KCNMB2: variants seen among roughly 807,000 people sequenced by gnomAD.
KCNMB2 encodes the protein potassium calcium-activated channel subfamily M regulatory beta subunit 2.
Under a neutral mutation model 24.5 loss-of-function variants are expected in KCNMB2, and 9 were observed. The observed-to-expected ratio is 0.37, with a 90% CI of 0.22 to 0.64. The LOEUF (loss-of-function observed/expected upper bound fraction) is 0.64. KCNMB2 is among the 30% of genes least tolerant of loss of function. KCNMB2 has a pLI of 0.63. For synonymous variants in KCNMB2, 109 were observed against 104.4 expected, an observed-to-expected ratio of 1.04 and a Z score of -0.27; for missense variants, 226 against 284.3, an observed-to-expected ratio of 0.79 and a Z score of 1.47.
Position 178,746,091 on chromosome 3 carries a change from A to C in KCNMB2, c.-67-61252A>C, listed in dbSNP as rs115883408. ...GGTAGGGACTCTGTGTGGTGGCTCC[A>C]ACCCAACATTTCCCTTCTGCATTGC... On this transcript the variant is annotated intron_variant, in intron 1 of 4. Transcript: ENST00000452583. Among the ~76,000 whole-genome samples, 1,028 of 152,296 alleles carry C rather than the reference A, an allele frequency of 6.8e-3. 17 individuals carry two copies. Among genetic ancestry groups the C allele is most frequent in the African/African-American group, 0.023 (972 of 41,554 alleles).
At chr3:178,777,839 G>A (rs1242783980) in intron 1 of KCNMB2, among the ~76,000 whole-genome samples, 2 of 152,166 alleles carry the variant, frequency 1.3e-5, no homozygotes, top group Non-Finnish European at 2.9e-5. Context: ...AAATAGTCAT[G>A]GCATGAGCTT....
intron 1 of KCNMB2, among the ~76,000 whole-genome samples, chr3:178,757,688 ATATGTATATATAT>A (rs1724170790): frequency 1.5e-5 from 1 of 65,272 alleles, no homozygotes; most frequent in African/African-American, 6.2e-5. Flanking sequence ...GAGGATATAT[ATATGTATATATAT>A]CCAAGAGGAT....
intron 1 of KCNMB2, among the ~76,000 whole-genome samples, chr3:178,743,962 T>C (rs1184145967): frequency 1.3e-5 from 2 of 152,232 alleles, no homozygotes; most frequent in Admixed American, 1.3e-4. Flanking sequence ...ATTTGTGAAA[T>C]ATCATTAGCA....
At chr3:178,624,244 AT>A (rs35333167) in intron 1 of KCNMB2, among the ~76,000 whole-genome samples, 6,070 of 144,108 alleles carry the variant, frequency 0.042, 84 homozygotes, top group Middle Eastern at 0.077. Flanking sequence ...TTACTGGGTA[AT>A]TTTTTTTTTT....
At chr3:178,785,917 T>A (rs1424495522) in intron 1 of KCNMB2, among the ~76,000 whole-genome samples, 1 of 152,126 alleles carries the variant, frequency 6.6e-6, no homozygotes, top group East Asian at 1.9e-4. Flanking sequence ...ATTTTAAAGG[T>A]TGCATTAACA....
intron 1 of KCNMB2, among the ~76,000 whole-genome samples, chr3:178,597,426 C>T (rs1717916382): frequency 6.6e-6 from 1 of 152,090 alleles, no homozygotes; most frequent in African/African-American, 2.4e-5. Flanking sequence ...GTAAAGCTCA[C>T]TTATAAGTGT....
intron 1 of KCNMB2, among the ~76,000 whole-genome samples, chr3:178,680,359 C>T (rs1721227269): frequency 6.6e-6 from 1 of 152,188 alleles, no homozygotes; most frequent in Non-Finnish European, 1.5e-5. Flanking sequence ...GCTCCAGCTA[C>T]ACTTACAGCT....
At chr3:178,619,143 C>A (rs183191599) in intron 1 of KCNMB2, among the ~76,000 whole-genome samples, 2 of 152,276 alleles carry the variant, frequency 1.3e-5, no homozygotes, top group East Asian at 3.9e-4. Context: ...CAGAGTAGAG[C>A]ATTATATGAC....
chr3:178,671,564 A>G (rs536826259), intron 1 of KCNMB2, among the ~76,000 whole-genome samples: 101 of 152,184 alleles, frequency 6.6e-4, no homozygotes, highest in African/African-American at 2.2e-3. Flanking sequence ...GAAAATACAG[A>G]ATACAGAGAG....
intron 1 of KCNMB2, chr3:178,729,213 G>T (rs1276632340): frequency 6.6e-6 from 1 of 152,140 alleles, no homozygotes; most frequent in East Asian, 1.9e-4. Context: ...TATCAAAAAC[G>T]GACTCAATTT....
chr3:178,718,391 A>C (rs375146086), intron 1 of KCNMB2, among the ~76,000 whole-genome samples: 2 of 152,152 alleles, frequency 1.3e-5, no homozygotes, highest in East Asian at 1.9e-4. Context: ...GTATGTATGC[A>C]TGTGTCTAGC....
intron 1 of KCNMB2, among the ~76,000 whole-genome samples, chr3:178,777,701 A>C (rs1262512574): frequency 6.6e-6 from 1 of 152,194 alleles, no homozygotes; most frequent in Non-Finnish European, 1.5e-5. Context: ...GAAATTGATC[A>C]AAAAAATGCA....
intron 4 of KCNMB2, among the ~76,000 whole-genome samples, chr3:178,834,321 T>C (rs1368741263): frequency 6.6e-6 from 1 of 152,232 alleles, no homozygotes; most frequent in African/African-American, 2.4e-5. Flanking sequence ...TAATTATGTC[T>C]GAATTAAAAT....
intron 1 of KCNMB2, among the ~76,000 whole-genome samples, chr3:178,609,357 C>T (rs375946819): frequency 3.0e-4 from 45 of 151,844 alleles, no homozygotes; most frequent in Admixed American, 1.6e-3. Context: ...CCTATAGAGT[C>T]GTTTGAGCTC....
chr3:178,840,817 A>G (rs1715400712), intron 4 of KCNMB2, among the ~76,000 whole-genome samples: 1 of 152,256 alleles, frequency 6.6e-6, no homozygotes, highest in Non-Finnish European at 1.5e-5. Context: ...AAGAGCTGCT[A>G]CAAAAATCCC....
chr3:178,836,705 A>G, intron 4 of KCNMB2, among the ~76,000 whole-genome samples: 1 of 152,104 alleles, frequency 6.6e-6, no homozygotes, highest in Non-Finnish European at 1.5e-5. Context: ...TATCAGTACT[A>G]AAATATATTG....
At chr3:178,825,938 G>A (rs571270385) in intron 3 of KCNMB2, among the ~76,000 whole-genome samples, 180 bp downstream of exon 3, 12 of 152,204 alleles carry the variant, frequency 7.9e-5, no homozygotes, top group African/African-American at 1.7e-4. Flanking sequence ...ATAGCTCTAT[G>A]TATAATCTGG....
intron 1 of KCNMB2, among the ~76,000 whole-genome samples, chr3:178,806,358 C>T (rs1713967832): frequency 6.6e-6 from 1 of 152,040 alleles, no homozygotes; most frequent in Non-Finnish European, 1.5e-5. Flanking sequence ...TACGTATGTG[C>T]ATAAATAATA....
intron 1 of KCNMB2, among the ~76,000 whole-genome samples, chr3:178,759,989 G>GAT (rs1229955642): frequency 2.3e-3 from 15 of 6,626 alleles, no homozygotes; most frequent in African/African-American, 3.5e-3. Context: ...TATCCAAGAG[G>GAT]ATATATATAT....
Sources: gnomAD v4.1 joint callset for allele counts (sites outside exome capture counted in the v4.1 genomes callset) on GRCh38, gnomAD v4.1.1 for gene constraint, MANE v1.5 for transcripts, NCBI Gene and HGNC (gene_info 2026-07-23, HGNC 2026-07-21) for gene names.